FADS2: variants seen among roughly 807,000 people sequenced by gnomAD.
The protein encoded by FADS2 is acyl-CoA 6-desaturase.
Under a neutral mutation model 61.2 loss-of-function variants are expected in FADS2, and 18 were observed. The observed-to-expected ratio is 0.29, with a 90% CI of 0.20 to 0.44. The LOEUF (loss-of-function observed/expected upper bound fraction) is 0.44. FADS2 is among the 20% of genes least tolerant of loss of function. FADS2 has a pLI of 1.00. For synonymous variants in FADS2, 203 were observed against 223.9 expected, an observed-to-expected ratio of 0.91 and a Z score of 0.83; for missense variants, 322 against 572.7, an observed-to-expected ratio of 0.56 and a Z score of 4.47.
intron 1 of FADS2, among the ~76,000 whole-genome samples, chr11:61,819,046 T>A (rs533623557): frequency 2.9e-3 from 437 of 152,064 alleles, no homozygotes; most frequent in Non-Finnish European, 5.0e-3. Flanking sequence ...AATTTTGTTT[T>A]TGTATTTTTA....
chr11:61,862,754 C>T (rs2067428901), intron 7 of FADS2: 4 of 576,604 alleles, frequency 6.9e-6, no homozygotes, highest in Non-Finnish European at 1.2e-5. Context: ...AGGGCACAGT[C>T]ACTTCCTGAT....
chr11:61,857,970 G>T (rs1404669702), intron 7 of FADS2, among the ~76,000 whole-genome samples: 1 of 152,172 alleles, frequency 6.6e-6, no homozygotes, highest in African/African-American at 2.4e-5. Context: ...CGAACTGAGT[G>T]GCATAAGCAG....
rs1374827388 is a variant in FADS2, at chr11:61,816,975, G to A, written c.141+549G>A. On this transcript the variant is annotated intron_variant, in intron 1 of 11. Transcript: ENST00000257261. The surrounding 1 kb of genome is among the most constrained non-coding windows in gnomAD (Gnocchi z 7.0). ...GGGAGCGAGATCCCGTCCCCCGGTG[G>A]GTCTTGGGCAACTCACAGCTGGGCT... 2.2e-6 allele frequency: 3 copies of A among 1,353,370 alleles called. No individual in the cohort carries two copies. The highest frequency in any genetic ancestry group is 2.8e-6 in the Non-Finnish European group (3 of 1,059,642). The allele number at this position is 1,353,370 out of a possible 1,614,324, so 83.8% of individuals were successfully genotyped here.
chr11:61,852,661 C>T (rs897904706), intron 5 of FADS2, among the ~76,000 whole-genome samples: 8 of 152,138 alleles, frequency 5.3e-5, no homozygotes, highest in Non-Finnish European at 1.0e-4. Flanking sequence ...CTCCAGTACT[C>T]GGGAAAGCAG....
chr11:61,848,252 G>C lies in FADS2; in HGVS notation c.712G>C (p.Val238Leu). 4 of 1,614,242 alleles carry C rather than the reference G, an allele frequency of 2.5e-6. No individual in the cohort carries two copies. The South Asian group carries it at 4.4e-5, about 18-fold the overall frequency. Residue 238 changes from valine to leucine, a missense_variant, in exon 5 of 12, where the codon GTG becomes CTG. Physicochemically the swap from Val to Leu is conservative, Grantham distance 32 (BLOSUM62 1). Coordinates refer to ENST00000278840, the MANE Select transcript of FADS2 (RefSeq NM_004265.4). ...GGATCCCGATGTGAACATGCTGCAC[G>C]TGTTTGTTCTGGGCGAATGGCAGCC... ...HKDPDVNMLH[V>L]FVLGEWQPIE...
At chr11:61,820,297 T>A (rs1362002729) in intron 1 of FADS2, among the ~76,000 whole-genome samples, 1 of 152,022 alleles carries the variant, frequency 6.6e-6, no homozygotes, top group East Asian at 1.9e-4. Flanking sequence ...GTGCTGGGAA[T>A]ACAAAGTTCA....
At chr11:61,844,338 A>T (rs2067238762) in intron 4 of FADS2, among the ~76,000 whole-genome samples, 1 of 151,942 alleles carries the variant, frequency 6.6e-6, no homozygotes, top group Non-Finnish European at 1.5e-5. Flanking sequence ...TGGGAGGGTG[A>T]CGCAGGTAGA....
chr11:61,855,133 C>T (rs537498888), intron 5 of FADS2: 1 of 152,820 alleles, frequency 6.5e-6, no homozygotes, highest in Non-Finnish European at 1.5e-5. Flanking sequence ...GGCCAGCCCT[C>T]AGTCCCTCCA....
intron 1 of FADS2, among the ~76,000 whole-genome samples, chr11:61,819,374 AAGACC>A (rs1179186991): frequency 6.6e-6 from 1 of 152,052 alleles, no homozygotes; most frequent in Admixed American, 6.6e-5. Context: ...TCAGGAGTTC[AAGACC>A]AGCCTGAACA....
rs2067466023 is a variant in FADS2, at chr11:61,866,024, A to G, written c.*335A>G. The stretch of plus-strand genomic sequence containing the variant: ...CTGCCCCTAAAGATGGGAGGAGACC[A>G]GCGGTCCATGGGTCTGGCCTGTGAG... On this transcript the variant is annotated 3_prime_UTR_variant, in exon 12 of 12. Transcript: ENST00000278840. 1 of 461,018 alleles carries G rather than the reference A, an allele frequency of 2.2e-6. No individual in the cohort carries two copies. Among genetic ancestry groups the G allele is most frequent in the Non-Finnish European group, 3.8e-6 (1 of 260,140 alleles). The allele number at this position is 461,018 out of a possible 1,614,324, so 28.6% of individuals were successfully genotyped here.
chr11:61,824,481 AGAGAGAGAGAAAGAAAGAAAG>A (rs2067061749), upstream of FADS2, among the ~76,000 whole-genome samples: 3 of 8,292 alleles, frequency 3.6e-4, no homozygotes, highest in Non-Finnish European at 1.0e-3. Flanking sequence ...AGAGAGAGAG[AGAGAGAGAGAAAGAAAGAAAG>A]GAAAGAAAGA....
At chr11:61,857,413 G>T (rs526126) in intron 6 of FADS2, 41 bp from the exon 7 acceptor site, 16 of 1,577,722 alleles carry the variant, frequency 1.0e-5, no homozygotes, top group South Asian at 4.4e-5. Flanking sequence ...GCACAGGCAG[G>T]GTGGAATGGA....
chr11:61,843,178 T>C (rs565886948), intron 4 of FADS2, among the ~76,000 whole-genome samples: 2 of 152,336 alleles, frequency 1.3e-5, no homozygotes, highest in East Asian at 3.9e-4. Flanking sequence ...GCCTATAACC[T>C]CAGCGCTTTG....
chr11:61,859,528 C>T (rs1399086020), intron 7 of FADS2, among the ~76,000 whole-genome samples: 3 of 152,178 alleles, frequency 2.0e-5, no homozygotes, highest in Admixed American at 1.3e-4. Flanking sequence ...AATGTAAGTC[C>T]TCTCCTCTTC....
upstream of FADS2, among the ~76,000 whole-genome samples, chr11:61,825,880 G>T (rs185874464): frequency 3.8e-3 from 586 of 152,272 alleles, 3 homozygotes; most frequent in African/African-American, 0.013. Flanking sequence ...GCAACAGAGT[G>T]AGACTGCATC....
At chr11:61,853,201 GA>G (rs1045282898) in intron 5 of FADS2, among the ~76,000 whole-genome samples, 1 of 151,232 alleles carries the variant, frequency 6.6e-6, no homozygotes, top group African/African-American at 2.4e-5. Context: ...AAAACAAACA[GA>G]AAAAAAGTGT....
At chr11:61,834,668 A>G (rs948554632) in intron 1 of FADS2, among the ~76,000 whole-genome samples, 1 of 152,174 alleles carries the variant, frequency 6.6e-6, no homozygotes, top group African/African-American at 2.4e-5. Context: ...TTGCCTTTCA[A>G]TGAGACAAGA....
intron 7 of FADS2, among the ~76,000 whole-genome samples, chr11:61,860,741 C>T (rs1178562849): frequency 1.3e-5 from 2 of 152,034 alleles, no homozygotes; most frequent in African/African-American, 2.4e-5. Flanking sequence ...GCAACATGGG[C>T]GAAACCCTGT....
chr11:61,860,023 A>G (rs376386700), intron 7 of FADS2, among the ~76,000 whole-genome samples: 7 of 152,340 alleles, frequency 4.6e-5, no homozygotes, highest in African/African-American at 1.7e-4. Context: ...TGTTCCTAAA[A>G]GGGGATGGCA....
Sources: allele counts gnomAD v4.1 joint callset (sites outside exome capture counted in the v4.1 genomes callset), GRCh38; gene constraint gnomAD v4.1.1; non-coding constraint Gnocchi (gnomAD v3.1); transcripts MANE v1.5; gene names NCBI Gene and HGNC (gene_info 2026-07-23, HGNC 2026-07-21).